UNC13B: variants seen among roughly 807,000 people sequenced by gnomAD.
UNC13B encodes the protein protein unc-13 homolog B.
UNC13B carries 144 observed loss-of-function variants against 211.0 expected under a neutral mutation model. The observed-to-expected ratio is 0.68, with a 90% confidence interval of 0.60 to 0.78. The LOEUF (loss-of-function observed/expected upper bound fraction) is 0.78. Among genes scored for constraint, UNC13B ranks in the 30% least tolerant of loss-of-function variants. UNC13B has a pLI of 0.00. For synonymous variants in UNC13B, 709 were observed against 725.8 expected (o/e 0.98, Z 0.37); for missense variants, 1,777 against 2,002.0 (o/e 0.89, Z 2.14).
chr9:35,281,477 A>G (rs971428123), intron 7 of UNC13B, among the ~76,000 whole-genome samples: 4 of 151,972 alleles, frequency 2.6e-5, no homozygotes, highest in Non-Finnish European at 5.9e-5. Context: ...TCCAGAGAGG[A>G]AGAAACATAA....
chr9:35,268,463 C>T (rs1827696567), intron 7 of UNC13B, among the ~76,000 whole-genome samples: 1 of 152,006 alleles, frequency 6.6e-6, no homozygotes, highest in East Asian at 1.9e-4. Flanking sequence ...ACTAAAAATA[C>T]AAAAAATTAG....
Position 35,310,500 on chromosome 9 carries a change from T to A in UNC13B, c.9042T>A (p.Cys3014Ter). Residue 3014 changes from cysteine (C) to a stop codon, truncating the protein, a stop_gained, in exon 10 of 40, where the codon TGT becomes TGA. Coordinates refer to ENST00000635942, the MANE Select transcript of UNC13B (RefSeq NM_001371189.2). LOFTEE classifies it high-confidence loss of function. ...PTSSSRYGSS[C>*]NVSQGSSQLS... ...GCAGCAGTAGGTATGGCTCCTCCTG[T>A]AATGTGAGTCAAGGAAGCTCTCAGC... The A allele has an allele frequency of 6.2e-7, 1 of 1,614,058 alleles. No homozygotes were observed. The highest frequency in any genetic ancestry group is 8.5e-7 in the Non-Finnish European group (1 of 1,179,998).
intron 1 of UNC13B, among the ~76,000 whole-genome samples, chr9:35,226,073 A>G (rs1253822828): frequency 6.6e-6 from 1 of 152,160 alleles, no homozygotes; most frequent in Admixed American, 6.5e-5. Context: ...TGTCCTGCAT[A>G]CTGTAGAATG....
intron 11 of UNC13B, chr9:35,352,454 G>A (rs1348171763): frequency 1.6e-6 from 2 of 1,231,818 alleles, no homozygotes; most frequent in African/African-American, 1.6e-5. Flanking sequence ...CTGCCCACAG[G>A]GTAATAAGAA....
chr9:35,240,246 A>G (rs1023615571), intron 5 of UNC13B, among the ~76,000 whole-genome samples: 2 of 152,154 alleles, frequency 1.3e-5, no homozygotes, highest in East Asian at 1.9e-4. Context: ...TTCCCGCAAC[A>G]GTATCTTGTT....
chr9:35,227,246 G>A (rs1426076958), intron 1 of UNC13B, among the ~76,000 whole-genome samples: 2 of 152,224 alleles, frequency 1.3e-5, no homozygotes, highest in African/African-American at 2.4e-5. Context: ...GCAGGACTTG[G>A]ATGTTAGTTA....
At position 35,370,333 on chromosome 9, in the gene UNC13B, CTATGGCAT is replaced by C; in HGVS notation, c.9479_9486del (p.Tyr3160Ter). The stretch of plus-strand genomic sequence containing the variant: ...CTCTCCTCAGGCCAGCCGGAGGGCT[CTATGGCAT>C]TGACAGCATGCCAGATTTACGCAGA... On this transcript the variant is annotated frameshift_variant, in exon 13 of 40. Transcript: ENST00000635942. LOFTEE classifies it high-confidence loss of function. 1.2e-6 allele frequency: 2 copies of C among 1,613,984 alleles called. No homozygotes were observed. Among genetic ancestry groups the C allele is most frequent in the Non-Finnish European group, 8.5e-7 (1 of 1,179,994 alleles).
Position 35,208,031 on chromosome 9 carries a change from A to G in UNC13B, c.23-19984A>G, listed in dbSNP as rs538026296. On this transcript the variant is annotated intron_variant, in intron 1 of 39. Transcript: ENST00000635942. Reference sequence around the variant, plus strand: ...TTTTTGGTTTGCTTTTACAAAATGTATTATGTATTTTTACTTAAAATACAT... The same window carrying G: ...TTTTTGGTTTGCTTTTACAAAATGTGTTATGTATTTTTACTTAAAATACAT... 4.6e-5 allele frequency among the ~76,000 whole-genome samples: 7 copies of G among 152,354 alleles called. No individual in the cohort carries two copies. The East Asian group carries it at 7.7e-4, about 17-fold the overall frequency.
At chr9:35,245,313 C>T (rs981783154) in intron 6 of UNC13B, among the ~76,000 whole-genome samples, 4 of 150,934 alleles carry the variant, frequency 2.7e-5, no homozygotes, top group African/African-American at 9.7e-5. Flanking sequence ...TGGTTCCCAA[C>T]TGCATATCAG....
chr9:35,307,564 C>T lies in UNC13B; in HGVS notation c.8160C>T (p.Thr2720=), dbSNP rs983677067. ...ASVSQSTTLE[T]EGHFSHPLLE... Reference sequence around the variant, plus strand: ...TGAGCCAGAGCACCACTCTGGAAACCGAAGGGCACTTTTCTCATCCTCTGC... The same window carrying T: ...TGAGCCAGAGCACCACTCTGGAAACTGAAGGGCACTTTTCTCATCCTCTGC... Residue 2720 remains threonine, a synonymous_variant, in exon 9 of 40, where the codon ACC becomes ACT. Coordinates refer to ENST00000635942, the MANE Select transcript of UNC13B (RefSeq NM_001371189.2). 1.5e-5 allele frequency: 6 copies of T among 398,904 alleles called. No individual in the cohort carries two copies. Among genetic ancestry groups the T allele is most frequent in the East Asian group, 7.1e-5 (2 of 28,082 alleles). 24.7% of individuals were successfully genotyped at this position (398,904 alleles called of 1,614,324 possible). A position where few individuals can be genotyped will look rare whatever the true frequency, so the allele number is the denominator to read the frequency against.
At chr9:35,189,461 C>T (rs1822532314) in intron 1 of UNC13B, among the ~76,000 whole-genome samples, 1 of 152,196 alleles carries the variant, frequency 6.6e-6, no homozygotes, top group Admixed American at 6.5e-5. Flanking sequence ...TTTAGACCAC[C>T]TATTTGCATT....
In UNC13B at chr9:35,316,390, C is replaced by T. The variant is rs1286311463; in HGVS notation, c.9414+2401C>T. 2.0e-5 allele frequency among the ~76,000 whole-genome samples: 3 copies of T among 152,078 alleles called. No individual in the cohort carries two copies. In the East Asian group the frequency reaches 5.8e-4, roughly 29 times the overall value. The stretch of plus-strand genomic sequence containing the variant: ...AAATCGTTCTGGCTTCATATGAGCA[C>T]TCTTAATTTGACCCTTCAGGGAGAA... On this transcript the variant is annotated intron_variant, in intron 11 of 39. Coordinates refer to ENST00000635942, the MANE Select transcript of UNC13B (RefSeq NM_001371189.2).
At chr9:35,297,551 T>TC (rs1280020533) in intron 8 of UNC13B, among the ~76,000 whole-genome samples, 2 of 137,098 alleles carry the variant, frequency 1.5e-5, no homozygotes, top group East Asian at 4.0e-4. Flanking sequence ...CTTTGTCTTT[T>TC]TTTTTTTTTT....
chr9:35,394,093 T>C (rs956640520), intron 26 of UNC13B, among the ~76,000 whole-genome samples: 2 of 152,146 alleles, frequency 1.3e-5, no homozygotes, highest in Non-Finnish European at 2.9e-5. Context: ...AAGGAATGGA[T>C]AGATTCCAGA....
intron 10 of UNC13B, among the ~76,000 whole-genome samples, chr9:35,313,399 C>T (rs948738362): frequency 2.0e-5 from 3 of 151,952 alleles, no homozygotes; most frequent in African/African-American, 7.3e-5. Context: ...CCGAGGTGAG[C>T]AGATTGCTTG....
At chr9:35,281,457 G>A (rs1828490358) in intron 7 of UNC13B, among the ~76,000 whole-genome samples, 1 of 151,668 alleles carries the variant, frequency 6.6e-6, no homozygotes, top group Admixed American at 6.6e-5. Flanking sequence ...CTGACCTCAG[G>A]GAGCTCAAGT....
rs144373291 is a variant in UNC13B at position 35,288,739 on chromosome 9, T to C, written c.527-6957T>C. Among the ~76,000 whole-genome samples, 395 of 152,312 alleles carry C rather than the reference T, an allele frequency of 2.6e-3. 7 individuals are homozygous for C. Among genetic ancestry groups the C allele is most frequent in the Non-Finnish European group, 5.9e-4 (40 of 68,030 alleles). On this transcript the variant is annotated intron_variant, in intron 7 of 39. Transcript: ENST00000635942. The stretch of plus-strand genomic sequence containing the variant: ...GATGGGATCAGATTATTCATTCAAT[T>C]TATTAGTACAGTAGATATTTACTGA...
intron 7 of UNC13B, among the ~76,000 whole-genome samples, chr9:35,267,047 G>C (rs1300059539): frequency 2.6e-5 from 4 of 152,196 alleles, no homozygotes; most frequent in Non-Finnish European, 5.9e-5. Context: ...TGAATGAGAG[G>C]AGAGAAATGC....
rs373054723 is a variant in UNC13B, at chr9:35,225,251, C to A, written c.23-2764C>A. On this transcript the variant is annotated intron_variant, in intron 1 of 39. Transcript: ENST00000635942. Reference sequence around the variant, plus strand: ...TCTCAGCTCACTTCAACCTCTGCCTCCCAGGCTCAAGCGAGTCTCCCACCC... The same window carrying A: ...TCTCAGCTCACTTCAACCTCTGCCTACCAGGCTCAAGCGAGTCTCCCACCC... Among the ~76,000 whole-genome samples, 18 of 152,298 alleles carry A rather than the reference C, an allele frequency of 1.2e-4. No individual in the cohort carries two copies. In the East Asian group the frequency reaches 2.9e-3, roughly 24 times the overall value.
Sources: gnomAD v4.1 joint callset for allele counts (sites outside exome capture counted in the v4.1 genomes callset) on GRCh38, gnomAD v4.1.1 for gene constraint, MANE v1.5 for transcripts, NCBI Gene and HGNC (gene_info 2026-07-23, HGNC 2026-07-21) for gene names.